UVRAG: variants seen among roughly 807,000 people sequenced by gnomAD.
The protein encoded by UVRAG is UV radiation resistance-associated gene protein.
A neutral mutation model predicts 78.0 loss-of-function variants in UVRAG; 19 were observed. That is an observed-to-expected ratio of 0.24 (90% CI 0.17 to 0.36). The LOEUF is 0.36. Among genes scored for constraint, UVRAG ranks in the 10% least tolerant of loss-of-function variants. UVRAG has a pLI of 1.00. For synonymous variants in UVRAG, 323 were observed against 324.6 expected, an observed-to-expected ratio of 1.00 and a Z score of 0.05; for missense variants, 740 against 853.8, an observed-to-expected ratio of 0.87 and a Z score of 1.66.
chr11:75,845,347 A>G (rs943325432), intron 1 of UVRAG, among the ~76,000 whole-genome samples: 5 of 152,244 alleles, frequency 3.3e-5, no homozygotes, highest in African/African-American at 4.8e-5. Flanking sequence ...CTGTGAAAGT[A>G]TAAAGTAGAG....
At chr11:76,006,686 A>AAG (rs60739794) in intron 9 of UVRAG, among the ~76,000 whole-genome samples, 1 of 140,144 alleles carries the variant, frequency 7.1e-6, no homozygotes, top group Non-Finnish European at 1.6e-5. Flanking sequence ...AAAAAAAAAA[A>AAG]GAGAGAGAGA....
At chr11:75,980,768 A>G (rs1351013451) in intron 7 of UVRAG, among the ~76,000 whole-genome samples, 2 of 146,900 alleles carry the variant, frequency 1.4e-5, no homozygotes, top group African/African-American at 2.6e-5. Flanking sequence ...TGCAACCTCC[A>G]CCTCCCAGGT....
intron 13 of UVRAG, among the ~76,000 whole-genome samples, chr11:76,076,935 T>TCCC (rs1313659147): frequency 2.0e-5 from 3 of 150,630 alleles, no homozygotes; most frequent in African/African-American, 7.3e-5. Context: ...GAAAATCACC[T>TCCC]GAGTCCAGGA....
At chr11:75,991,821 G>A (rs987507380) in intron 8 of UVRAG, among the ~76,000 whole-genome samples, 2 of 152,014 alleles carry the variant, frequency 1.3e-5, no homozygotes, top group Non-Finnish European at 2.9e-5. Context: ...TAGATTATAA[G>A]CAAATGAACA....
chr11:75,947,813 T>G (rs889565395), intron 6 of UVRAG, among the ~76,000 whole-genome samples: 5 of 152,164 alleles, frequency 3.3e-5, no homozygotes, highest in African/African-American at 1.2e-4. Flanking sequence ...AATGATTACG[T>G]CTATGGATTT....
intron 6 of UVRAG, among the ~76,000 whole-genome samples, chr11:75,957,182 G>A (rs992079887): frequency 6.6e-6 from 1 of 151,864 alleles, no homozygotes; most frequent in African/African-American, 2.4e-5. Context: ...TTGGTCATAA[G>A]TGTTATGATT....
At chr11:75,986,973 T>C (rs1392268450) in intron 8 of UVRAG, among the ~76,000 whole-genome samples, 1 of 152,232 alleles carries the variant, frequency 6.6e-6, no homozygotes, top group Non-Finnish European at 1.5e-5. Flanking sequence ...TTCAGTTATA[T>C]GGATATGTCA....
intron 13 of UVRAG, among the ~76,000 whole-genome samples, chr11:76,115,641 G>C (rs56706948): frequency 0.021 from 3,228 of 152,166 alleles, 116 homozygotes; most frequent in African/African-American, 0.074. Flanking sequence ...TTCCACAGTT[G>C]GTCACTCTTA....
chr11:76,043,567 T>G (rs1175761057), intron 12 of UVRAG, among the ~76,000 whole-genome samples: 2 of 152,208 alleles, frequency 1.3e-5, no homozygotes, highest in African/African-American at 2.4e-5. Flanking sequence ...AATTAGAGTG[T>G]CTCTAGTAGT....
intron 7 of UVRAG, among the ~76,000 whole-genome samples, chr11:75,968,765 A>G (rs1197896985): frequency 6.6e-6 from 1 of 152,170 alleles, no homozygotes; most frequent in African/African-American, 2.4e-5. Context: ...TTCAATTTAC[A>G]TATTTTGTGG....
intron 12 of UVRAG, among the ~76,000 whole-genome samples, chr11:76,057,892 A>C (rs889008187): frequency 2.6e-5 from 4 of 152,172 alleles, no homozygotes; most frequent in African/African-American, 9.7e-5. Context: ...ATTTTACATT[A>C]ACATTTTTTT....
intron 12 of UVRAG, among the ~76,000 whole-genome samples, chr11:76,042,564 T>C (rs1950669043): frequency 6.6e-6 from 1 of 152,186 alleles, no homozygotes; most frequent in African/African-American, 2.4e-5. Context: ...TTTTTACTAA[T>C]CATGTGATCC....
chr11:76,062,377 G>T (rs552809458), intron 12 of UVRAG, among the ~76,000 whole-genome samples: 1 of 152,044 alleles, frequency 6.6e-6, no homozygotes, highest in African/African-American at 2.4e-5. Context: ...TGTGTTTGTC[G>T]CCCTTCTCTA....
At chr11:75,949,748 T>C (rs951526920) in intron 6 of UVRAG, among the ~76,000 whole-genome samples, 12 of 148,830 alleles carry the variant, frequency 8.1e-5, no homozygotes, top group East Asian at 3.9e-4. Context: ...CATATATATA[T>C]ACACACATAT....
chr11:75,973,179 G>C (rs1949159967), intron 7 of UVRAG, among the ~76,000 whole-genome samples: 1 of 152,134 alleles, frequency 6.6e-6, no homozygotes, highest in South Asian at 2.1e-4. Context: ...TAGGTTATTT[G>C]GTAGATGTTC....
chr11:75,956,015 T>C (rs1312770885), intron 6 of UVRAG, among the ~76,000 whole-genome samples: 2 of 152,242 alleles, frequency 1.3e-5, no homozygotes, highest in African/African-American at 2.4e-5. Flanking sequence ...TCTTGAACTT[T>C]GTAAAAAGGG....
chr11:75,951,003 C>T (rs904019128), intron 6 of UVRAG, among the ~76,000 whole-genome samples: 3 of 149,006 alleles, frequency 2.0e-5, no homozygotes, highest in Admixed American at 6.6e-5. Flanking sequence ...CACACACACA[C>T]ATATCCCAAG....
intron 1 of UVRAG, among the ~76,000 whole-genome samples, chr11:75,816,751 A>G (rs1945270233): frequency 6.6e-6 from 1 of 152,106 alleles, no homozygotes; most frequent in Admixed American, 6.6e-5. Flanking sequence ...CACCCCTCCA[A>G]CTTTCCATCA....
In UVRAG at chr11:75,822,299, A is replaced by C. The variant is rs569154828; in HGVS notation, c.117+6775A>C. ...ATCACCAGCTGTGGTAGCATATGAT[A>C]GGAAAGGCAAACTAGCTGTTTTCTC... On this transcript the variant is annotated intron_variant, in intron 1 of 14. Coordinates refer to ENST00000356136, the MANE Select transcript of UVRAG (RefSeq NM_003369.4). Among the ~76,000 whole-genome samples the C allele has an allele frequency of 1.6e-4, 24 of 152,308 alleles. No homozygotes were observed. The East Asian group carries it at 3.9e-3, about 24-fold the overall frequency.
Sources: gnomAD v4.1 joint callset for allele counts (sites outside exome capture counted in the v4.1 genomes callset) on GRCh38, gnomAD v4.1.1 for gene constraint, MANE v1.5 for transcripts, NCBI Gene and HGNC (gene_info 2026-07-23, HGNC 2026-07-21) for gene names.